PARPBP: variants seen among roughly 807,000 people sequenced by gnomAD.
PARPBP encodes PARP1 binding protein.
PARPBP carries 52 observed loss-of-function variants against 50.0 expected under a neutral mutation model. That is an observed-to-expected ratio of 1.04 (90% CI 0.83 to 1.31). PARPBP has a LOEUF of 1.31. Ranked by LOEUF, PARPBP falls within the 50% of genes most tolerant of loss-of-function variation. The pLI, the probability that PARPBP is intolerant of heterozygous loss-of-function variation, is 0.00. For synonymous variants in PARPBP, 244 were observed against 232.1 expected (o/e 1.05, Z -0.47); for missense variants, 697 against 672.0 (o/e 1.04, Z -0.41).
At chr12:102,189,003 G>T in intron 9 of PARPBP, among the ~76,000 whole-genome samples, 1 of 152,040 alleles carries the variant, frequency 6.6e-6, no homozygotes, top group Middle Eastern at 3.2e-3. Flanking sequence ...AGAGAAAAGA[G>T]AGAAAAACAA....
At chr12:102,192,784 C>G (rs1010719529) in intron 9 of PARPBP, among the ~76,000 whole-genome samples, 5 of 151,848 alleles carry the variant, frequency 3.3e-5, no homozygotes, top group African/African-American at 1.2e-4. Flanking sequence ...GTTGTAGAAG[C>G]CATCCTAGTA....
intron 8 of PARPBP, among the ~76,000 whole-genome samples, chr12:102,179,228 C>A (rs971481038): frequency 1.4e-4 from 21 of 152,110 alleles, no homozygotes; most frequent in Admixed American, 3.3e-4. Flanking sequence ...AAGCCTGAGG[C>A]CTATGCTCTC....
chr12:102,165,665 TA>T, intron 5 of PARPBP, 63 bp from the exon 6 acceptor site: 1 of 1,258,878 alleles, frequency 7.9e-7, no homozygotes, highest in Non-Finnish European at 1.1e-6. Flanking sequence ...TACTTAGCTT[TA>T]TGAAGTAAAT....
At chr12:102,184,880 T>C (rs1244422049) in intron 9 of PARPBP, among the ~76,000 whole-genome samples, 1 of 152,172 alleles carries the variant, frequency 6.6e-6, no homozygotes, top group African/African-American at 2.4e-5. Context: ...GATTATCTTA[T>C]TACTCTGTTA....
intron 4 of PARPBP, among the ~76,000 whole-genome samples, chr12:102,162,620 A>G (rs1887715991): frequency 6.6e-6 from 1 of 152,170 alleles, no homozygotes; most frequent in Non-Finnish European, 1.5e-5. Flanking sequence ...CAGGAGTTCA[A>G]CACCAACCTG....
At chr12:102,172,506 A>G (rs148619597) in intron 6 of PARPBP, among the ~76,000 whole-genome samples, 189 of 152,318 alleles carry the variant, frequency 1.2e-3, no homozygotes, top group Non-Finnish European at 2.4e-3. Context: ...CTGAGCAGAT[A>G]TTAGAAGCTA....
At chr12:102,139,167 G>T (rs1350449094) in intron 2 of PARPBP, among the ~76,000 whole-genome samples, 2 of 152,066 alleles carry the variant, frequency 1.3e-5, no homozygotes, top group Non-Finnish European at 2.9e-5. Flanking sequence ...ATTTCATTGA[G>T]CAGTGGTTTG....
intron 2 of PARPBP, among the ~76,000 whole-genome samples, chr12:102,136,575 C>G (rs1422438717): frequency 6.6e-6 from 1 of 152,148 alleles, no homozygotes; most frequent in Admixed American, 6.5e-5. Flanking sequence ...TCTCTTTCTA[C>G]TTGCTAATTT....
intron 8 of PARPBP, among the ~76,000 whole-genome samples, chr12:102,179,188 T>C (rs1429076069): frequency 6.6e-6 from 1 of 152,182 alleles, no homozygotes; most frequent in African/African-American, 2.4e-5. Flanking sequence ...AAGTGAGGTA[T>C]GTTAGCAATT....
intron 3 of PARPBP, chr12:102,149,078 A>T (rs1005125480): frequency 1.3e-5 from 2 of 152,178 alleles, no homozygotes; most frequent in East Asian, 3.8e-4. Context: ...GTTATTTTTA[A>T]AGTGTTGGAA....
rs368670870 is a variant in PARPBP, at chr12:102,178,695, A to G, written c.1109A>G (p.Lys370Arg). 8.5e-5 allele frequency: 137 copies of G among 1,613,634 alleles called. No homozygotes were observed. Among genetic ancestry groups the G allele is most frequent in the Non-Finnish European group, 1.1e-4 (130 of 1,179,782 alleles). The change falls in exon 8 of 11, where the codon AAA (lysine) becomes AGA (arginine). Residue 370 changes from lysine to arginine, a missense_variant. Lys to Arg is a conservative substitution (Grantham distance 26). Coordinates refer to ENST00000327680, the MANE Select transcript of PARPBP (RefSeq NM_017915.5). ...LDEEAANAPT[K>R]NKAELLYDEE... ...GAAGAAGCAGCTAATGCTCCTACCA[A>G]AAACAAAGCAGAGCTTTTATATGAT...
intron 7 of PARPBP, among the ~76,000 whole-genome samples, chr12:102,176,821 C>G (rs1889332365): frequency 6.6e-6 from 1 of 152,144 alleles, no homozygotes; most frequent in African/African-American, 2.4e-5. Flanking sequence ...TTTAGATTTA[C>G]TTTGAAGGTG....
Position 102,197,247 on chromosome 12 carries a change from T to C in PARPBP, c.*956T>C. ...CTATAATACAATTGTATAATATTCT[T>C]GTTGATCAATTCAAAGTTACTCTGC... On this transcript the variant is annotated 3_prime_UTR_variant, in exon 11 of 11. Coordinates refer to ENST00000327680, the MANE Select transcript of PARPBP (RefSeq NM_017915.5). 1 of 1,180,750 alleles carries C rather than the reference T, an allele frequency of 8.5e-7. No individual in the cohort carries two copies. Among genetic ancestry groups the C allele is most frequent in the South Asian group, 1.4e-5 (1 of 72,480 alleles). 73.1% of individuals were successfully genotyped at this position (1,180,750 alleles called of 1,614,324 possible).
chr12:102,157,832 A>AGT (rs1424002193), intron 4 of PARPBP, among the ~76,000 whole-genome samples: 1 of 152,056 alleles, frequency 6.6e-6, no homozygotes, highest in East Asian at 1.9e-4. Context: ...TAGAATAGTG[A>AGT]GCTTCTGGCC....
intron 3 of PARPBP, chr12:102,152,135 G>A: frequency 3.6e-6 from 1 of 275,080 alleles, no homozygotes; most frequent in Non-Finnish European, 7.0e-6. Flanking sequence ...TAGATGTTGG[G>A]CAGGTGGGCT....
intron 2 of PARPBP, among the ~76,000 whole-genome samples, chr12:102,131,430 G>A (rs1882838562): frequency 6.6e-6 from 1 of 152,184 alleles, no homozygotes; most frequent in South Asian, 2.1e-4. Flanking sequence ...AAGCAGTGTG[G>A]AGATTCCTTG....
intron 4 of PARPBP, among the ~76,000 whole-genome samples, chr12:102,162,050 T>A (rs901544235): frequency 6.6e-6 from 1 of 152,184 alleles, no homozygotes; most frequent in Admixed American, 6.5e-5. Flanking sequence ...CCTGCCTGCC[T>A]CCTACTTTTT....
At chr12:102,149,963 C>G (rs1415293463) in intron 3 of PARPBP, among the ~76,000 whole-genome samples, 1 of 152,174 alleles carries the variant, frequency 6.6e-6, no homozygotes, top group Non-Finnish European at 1.5e-5. Flanking sequence ...CAACAAAGAT[C>G]TTAAAAACCA....
intron 2 of PARPBP, among the ~76,000 whole-genome samples, chr12:102,140,713 C>A (rs1353525935): frequency 6.6e-6 from 1 of 152,162 alleles, no homozygotes; most frequent in Non-Finnish European, 1.5e-5. Context: ...CAAAGAACAT[C>A]TTTATTTCTG....
Sources: allele counts gnomAD v4.1 joint callset (sites outside exome capture counted in the v4.1 genomes callset), GRCh38; gene constraint gnomAD v4.1.1; transcripts MANE v1.5; gene names NCBI Gene and HGNC (gene_info 2026-07-23, HGNC 2026-07-21).